NOCT: variants seen among roughly 807,000 people sequenced by gnomAD.
NOCT encodes the protein CCR4 carbon catabolite repression 4-like.
A neutral mutation model predicts 35.0 loss-of-function variants in NOCT; 18 were observed. The ratio of observed to expected loss-of-function variants is 0.51; its 90% CI spans 0.36 to 0.76. The LOEUF (loss-of-function observed/expected upper bound fraction) is 0.76. Among genes scored for constraint, NOCT ranks in the 30% least tolerant of loss-of-function variants. The pLI, the probability that NOCT is intolerant of heterozygous loss-of-function variation, is 0.01. For missense variants in NOCT, 479 were observed against 541.0 expected, an observed-to-expected ratio of 0.89 and a Z score of 1.14; for synonymous variants, 235 against 226.3, an observed-to-expected ratio of 1.04 and a Z score of -0.34.
chr4:139,021,302 C>G (rs925036261), intron 1 of NOCT, among the ~76,000 whole-genome samples: 2 of 151,906 alleles, frequency 1.3e-5, no homozygotes, highest in African/African-American at 2.4e-5. Context: ...CACGCCCCGC[C>G]AAAAGCAGCT....
chr4:139,025,819 AT>A (rs201926095), intron 1 of NOCT, among the ~76,000 whole-genome samples: 2 of 150,386 alleles, frequency 1.3e-5, no homozygotes, highest in South Asian at 2.1e-4. Context: ...AAAAAAAAAA[AT>A]TTAAATATAG....
In NOCT at chr4:139,043,247, C is replaced by T. The variant is rs763812683; in HGVS notation, c.364C>T (p.Pro122Ser). ...EECRAVLHTR[P>S]PRFQRDFVDL... ...ATGCAGGGCCGTCCTGCACACCCGA[C>T]CTCCCCGGTTCCAGAGGGATTTTGT... The change falls in exon 2 of 3, where the codon CCT becomes TCT. Residue 122 changes from proline to serine, a missense_variant. This residue lies in a region of NOCT where 265 missense variants were observed against 257.0 expected (regional missense o/e 1.03). Transcript: ENST00000280614. 3 of 1,614,180 alleles carry T rather than the reference C, an allele frequency of 1.9e-6. No individual in the cohort carries two copies. The highest frequency in any genetic ancestry group is 2.2e-5 in the East Asian group (1 of 44,880).
chr4:139,044,096 G>A (rs917199534), intron 2 of NOCT, among the ~76,000 whole-genome samples: 2 of 149,616 alleles, frequency 1.3e-5, no homozygotes, highest in African/African-American at 4.9e-5. Flanking sequence ...TGCCTTTTAT[G>A]TAAGCAGTTG....
chr4:139,016,740 C>T (rs188161424), intron 1 of NOCT, among the ~76,000 whole-genome samples: 15 of 148,552 alleles, frequency 1.0e-4, no homozygotes, highest in Admixed American at 2.0e-4. Flanking sequence ...CGCAACCTCC[C>T]GCTCCCGGGT....
intron 1 of NOCT, among the ~76,000 whole-genome samples, chr4:139,041,136 T>C (rs956333901): frequency 5.3e-5 from 8 of 152,222 alleles, no homozygotes; most frequent in African/African-American, 1.9e-4. Flanking sequence ...TCATTTGCTG[T>C]AGTCTAGCTT....
intron 1 of NOCT, among the ~76,000 whole-genome samples, chr4:139,040,302 A>G (rs1310363490): frequency 1.3e-5 from 2 of 151,786 alleles, no homozygotes; most frequent in Non-Finnish European, 2.9e-5. Context: ...GGCCTCCCAA[A>G]GTGCTGGGAT....
chr4:139,029,294 C>T (rs530935425), intron 1 of NOCT, among the ~76,000 whole-genome samples: 1 of 152,294 alleles, frequency 6.6e-6, no homozygotes, highest in East Asian at 1.9e-4. Flanking sequence ...TTACACTTAC[C>T]TATATGAAGA....
chr4:139,015,952 C>A lies in NOCT; in HGVS notation c.-30C>A. ...AGCCGGGCTCCGCTCCTCGGGCGCG[C>A]GAGGGGCCGTGGTGGCGGCGGCGCC... On this transcript the variant is annotated 5_prime_UTR_variant, in exon 1 of 3. Transcript: ENST00000280614. 1 of 1,314,436 alleles carries A rather than the reference C, an allele frequency of 7.6e-7. No homozygotes were observed. Among genetic ancestry groups the A allele is most frequent in the Non-Finnish European group, 9.7e-7 (1 of 1,035,696 alleles). The allele number at this position is 1,314,436 out of a possible 1,614,324, so 81.4% of individuals were successfully genotyped here. A position where few individuals can be genotyped will look rare whatever the true frequency, so the allele number is the denominator to read the frequency against.
chr4:139,029,188 T>TGAAACA (rs1432550640), intron 1 of NOCT, among the ~76,000 whole-genome samples: 3 of 152,174 alleles, frequency 2.0e-5, no homozygotes, highest in Non-Finnish European at 4.4e-5. Flanking sequence ...TTTTACAGAA[T>TGAAACA]GAAACAGAAT....
chr4:139,024,044 CCT>C (rs1491484629), intron 1 of NOCT, among the ~76,000 whole-genome samples: 4 of 91,600 alleles, frequency 4.4e-5, no homozygotes, highest in African/African-American at 1.6e-4. Context: ...GTCTATTCAT[CCT>C]TTTTTTTTTT....
chr4:139,041,779 T>TCTA (rs1405853660), intron 1 of NOCT, among the ~76,000 whole-genome samples: 1 of 152,204 alleles, frequency 6.6e-6, no homozygotes, highest in African/African-American at 2.4e-5. Flanking sequence ...TAAGCCCTTC[T>TCTA]GGCCTCAGCC....
rs1304995299 is a variant in NOCT at position 139,015,980 on chromosome 4, G to A, written c.-2G>A. The A allele has an allele frequency of 1.5e-6, 2 of 1,358,662 alleles. No individual in the cohort carries two copies. The highest frequency in any genetic ancestry group is 1.9e-6 in the Non-Finnish European group (2 of 1,059,138). The allele number at this position is 1,358,662 out of a possible 1,614,324, so 84.2% of individuals were successfully genotyped here. On this transcript the variant is annotated 5_prime_UTR_variant, in exon 1 of 3. Transcript: ENST00000280614. ...GGGGCCGTGGTGGCGGCGGCGCCCG[G>A]CATGTTTCATAGTCCGCGGCGGCTC...
chr4:139,026,446 T>G (rs1252674145), intron 1 of NOCT, among the ~76,000 whole-genome samples: 1 of 152,158 alleles, frequency 6.6e-6, no homozygotes, highest in Non-Finnish European at 1.5e-5. Flanking sequence ...CAGGCTGAAC[T>G]CAAACCCCTG....
chr4:139,045,423 G>A lies in NOCT; in HGVS notation c.1245G>A (p.Leu415=), dbSNP rs762786108. The A allele has an allele frequency of 2.7e-5, 44 of 1,611,018 alleles. No individual in the cohort carries two copies. Among genetic ancestry groups the A allele is most frequent in the Non-Finnish European group, 3.6e-5 (43 of 1,178,852 alleles). The change falls in exon 3 of 3, where the codon CTG becomes CTA. Residue 415 remains leucine, a synonymous_variant. Coordinates refer to ENST00000280614, the MANE Select transcript of NOCT (RefSeq NM_012118.4). ...LPSFNYPSDH[L]SLVCDFSFTE... is the part of the protein sequence containing the mutation. ...CCTTCAATTATCCTTCAGACCACCT[G>A]TCTCTAGTGTGTGACTTCAGCTTTA...
At chr4:139,031,910 A>C (rs1222779428) in intron 1 of NOCT, among the ~76,000 whole-genome samples, 1 of 151,884 alleles carries the variant, frequency 6.6e-6, no homozygotes, top group African/African-American at 2.4e-5. Flanking sequence ...ATAGGGTTTC[A>C]CCATGTTGTT....
Position 139,045,395 on chromosome 4 carries a change from C to G in NOCT, c.1217C>G (p.Pro406Arg). 1 of 1,614,014 alleles carries G rather than the reference C, an allele frequency of 6.2e-7. No homozygotes were observed. The highest frequency in any genetic ancestry group is 1.1e-5 in the South Asian group (1 of 91,082). ...TEEQIGPNRL[P>R]SFNYPSDHLS... ...GAACAGATTGGACCCAACAGGTTACCTTCCTTCAATTATCCTTCAGACCAC... is the reference window on the plus strand; with the variant it reads ...GAACAGATTGGACCCAACAGGTTACGTTCCTTCAATTATCCTTCAGACCAC... Residue 406 changes from proline (P) to arginine (R), a missense_variant, in exon 3 of 3, where the codon CCT becomes CGT. Transcript: ENST00000280614.
At chr4:139,029,300 G>T (rs1190065014) in intron 1 of NOCT, among the ~76,000 whole-genome samples, 1 of 152,216 alleles carries the variant, frequency 6.6e-6, no homozygotes, top group African/African-American at 2.4e-5. Context: ...TTACCTATAT[G>T]AAGAAGATAA....
chr4:139,033,821 A>C (rs1578630168), intron 1 of NOCT, among the ~76,000 whole-genome samples: 1 of 151,042 alleles, frequency 6.6e-6, no homozygotes, highest in East Asian at 1.9e-4. Flanking sequence ...TGCAACTTCC[A>C]CCTCCCAGGC....
In NOCT at chr4:139,016,033, C is replaced by T. The variant is rs1726289435; in HGVS notation, c.52C>T (p.Pro18Ser). The change falls in exon 1 of 3, where the codon CCC becomes TCC. Residue 18 changes from proline to serine, a missense_variant. Transcript: ENST00000280614. ...LCSALLQRDA[P>S]GLRRLPAPGL... is the part of the protein sequence containing the mutation. ...CTCGGCCCTGCTGCAGAGGGACGCG[C>T]CCGGCCTGCGCCGCCTGCCCGCCCC... is the stretch of plus-strand genomic sequence containing the variant. 1.4e-6 allele frequency: 2 copies of T among 1,394,036 alleles called. No individual in the cohort carries two copies. The highest frequency in any genetic ancestry group is 1.5e-5 in the African/African-American group (1 of 66,620). 86.4% of individuals were successfully genotyped at this position (1,394,036 alleles called of 1,614,324 possible).
Sources: allele counts gnomAD v4.1 joint callset (sites outside exome capture counted in the v4.1 genomes callset), GRCh38; gene constraint gnomAD v4.1.1; regional missense constraint gnomAD v4.1.1; transcripts MANE v1.5; gene names NCBI Gene and HGNC (gene_info 2026-07-23, HGNC 2026-07-21).